PACS1: variants seen among roughly 807,000 people sequenced by gnomAD.
PACS1 encodes the protein phosphofurin acidic cluster sorting protein 1.
A neutral mutation model predicts 115.0 loss-of-function variants in PACS1; 24 were observed. That is an observed-to-expected ratio of 0.21 (90% CI 0.15 to 0.29). The LOEUF is 0.29. PACS1 is among the 10% of genes least tolerant of loss of function. The pLI, the probability that PACS1 is intolerant of heterozygous loss-of-function variation, is 1.00. For synonymous variants in PACS1, 453 were observed against 504.5 expected, an observed-to-expected ratio of 0.90 and a Z score of 1.37; for missense variants, 838 against 1,251.2, an observed-to-expected ratio of 0.67 and a Z score of 4.98.
At chr11:66,169,625 C>G (rs1859690851) in intron 1 of PACS1, among the ~76,000 whole-genome samples, 1 of 141,190 alleles carries the variant, frequency 7.1e-6, no homozygotes, top group East Asian at 2.0e-4. Flanking sequence ...CCATGTTGGC[C>G]AGGCTGGTCT....
chr11:66,220,210 T>G, intron 8 of PACS1: 1 of 302,804 alleles, frequency 3.3e-6, no homozygotes, highest in Non-Finnish European at 6.3e-6. Context: ...ATGGGGCTGC[T>G]GAGAGAGAAG....
At chr11:66,104,736 G>A (rs1440229875) in intron 1 of PACS1, among the ~76,000 whole-genome samples, 1 of 152,148 alleles carries the variant, frequency 6.6e-6, no homozygotes, top group African/African-American at 2.4e-5. Flanking sequence ...CAGAAACAGT[G>A]GATTTTGTTT....
intron 1 of PACS1, among the ~76,000 whole-genome samples, chr11:66,172,711 G>T (rs1205154349): frequency 6.6e-6 from 1 of 152,162 alleles, no homozygotes; most frequent in Admixed American, 6.5e-5. Context: ...GCAGCCAGGT[G>T]CGGTGGCTCA....
chr11:66,219,842 A>C (rs760423608), intron 8 of PACS1, 37 bp downstream of exon 8: 42 of 1,455,816 alleles, frequency 2.9e-5, no homozygotes, highest in Non-Finnish European at 4.1e-5. Context: ...TGGTGAGTAG[A>C]ATTCCCCGGG....
chr11:66,136,179 ACT>A (rs1243586924), intron 1 of PACS1, among the ~76,000 whole-genome samples: 5 of 151,444 alleles, frequency 3.3e-5, no homozygotes, highest in Admixed American at 3.3e-4. Context: ...GCACTAATTC[ACT>A]CTCTTTCAAA....
rs558183795 is a variant in PACS1 at position 66,179,461 on chromosome 11, G to A, written c.357-14025G>A. 3.9e-5 allele frequency among the ~76,000 whole-genome samples: 6 copies of A among 152,312 alleles called. No homozygotes were observed. The East Asian group carries it at 1.2e-3, about 29-fold the overall frequency. On this transcript the variant is annotated intron_variant, in intron 1 of 23. Coordinates refer to ENST00000320580, the MANE Select transcript of PACS1 (RefSeq NM_018026.4). The stretch of plus-strand genomic sequence containing the variant: ...TCCAAAGCTGGGATTACAGACGTGA[G>A]CCACTGTGCCAGGCCTAGAGGTTTC...
chr11:66,226,677 A>C (rs1855475184), intron 10 of PACS1, among the ~76,000 whole-genome samples: 1 of 152,162 alleles, frequency 6.6e-6, no homozygotes, highest in African/African-American at 2.4e-5. Context: ...GTATTATATG[A>C]TTGACTCAGA....
intron 19 of PACS1, 98 bp from the exon 20 acceptor site, chr11:66,238,706 G>A (rs780690212): frequency 9.1e-7 from 1 of 1,099,416 alleles, no homozygotes; most frequent in Non-Finnish European, 1.4e-6. Flanking sequence ...AAAATAATGT[G>A]TAGTGATGGC....
rs1450254125 is a variant in PACS1, at chr11:66,230,445, ACTCT to A, written c.1375-98_1375-95del. ...TGCTTTCAGGAAAAGAAAATGAGTAACTCTCTCTTCAGGATGGTGATGGGGCCTG... is the reference window on the plus strand; with the variant it reads ...TGCTTTCAGGAAAAGAAAATGAGTAACTCTTCAGGATGGTGATGGGGCCTG... On this transcript the variant is annotated intron_variant, in intron 11 of 23. Transcript: ENST00000320580. 60 of 761,530 alleles carry A rather than the reference ACTCT, an allele frequency of 7.9e-5. No individual in the cohort carries two copies. The African/African-American group carries it at 9.2e-4, about 12-fold the overall frequency. 47.2% of individuals were successfully genotyped at this position (761,530 alleles called of 1,614,324 possible).
intron 1 of PACS1, among the ~76,000 whole-genome samples, chr11:66,118,979 A>G (rs1203087622): frequency 6.6e-6 from 1 of 152,170 alleles, no homozygotes; most frequent in African/African-American, 2.4e-5. Context: ...GTAAGTGCTA[A>G]GATAAAGGTA....
At position 66,238,852 on chromosome 11, in the gene PACS1, G is replaced by A; in HGVS notation, c.2293+6G>A. On this transcript the variant is annotated splice_donor_region_variant and intron_variant, in intron 20 of 23. Coordinates refer to ENST00000320580, the MANE Select transcript of PACS1 (RefSeq NM_018026.4). The stretch of plus-strand genomic sequence containing the variant: ...AGACTCTCCCTCCACAGCAGGTGAG[G>A]CTGGGGCTCCCTTGTTCTGTGGAGT... 6.3e-7 allele frequency: 1 copy of A among 1,575,800 alleles called. No individual in the cohort carries two copies. The highest frequency in any genetic ancestry group is 8.6e-7 in the Non-Finnish European group (1 of 1,158,618).
At chr11:66,133,381 G>A (rs892330886) in intron 1 of PACS1, among the ~76,000 whole-genome samples, 1 of 152,164 alleles carries the variant, frequency 6.6e-6, no homozygotes, top group Admixed American at 6.5e-5. Context: ...CTGCTCCTTG[G>A]CTTCACTAGT....
intron 1 of PACS1, among the ~76,000 whole-genome samples, chr11:66,101,878 A>G (rs913268099): frequency 5.3e-5 from 8 of 152,188 alleles, no homozygotes; most frequent in Non-Finnish European, 1.0e-4. Context: ...GGGCCCAGAC[A>G]GTGACTGAAA....
At chr11:66,123,612 A>G (rs572603100) in intron 1 of PACS1, among the ~76,000 whole-genome samples, 12 of 149,914 alleles carry the variant, frequency 8.0e-5, no homozygotes, top group African/African-American at 2.5e-4. Context: ...AGCTCCACCT[A>G]CCGGGTTCAT....
Position 66,236,174 on chromosome 11 carries a change from C to T in PACS1, c.2250+234C>T, listed in dbSNP as rs537472095. On this transcript the variant is annotated intron_variant, in intron 19 of 23. Coordinates refer to ENST00000320580, the MANE Select transcript of PACS1 (RefSeq NM_018026.4). The surrounding 1 kb of genome is among the most constrained non-coding windows in gnomAD (Gnocchi z 4.2). ...TCATCCTCCAGTGCACAGGAGGTCC[C>T]GCAGCAGAGAATGGCTTGGCCCCAA... Among the ~76,000 whole-genome samples, 7 of 152,232 alleles carry T rather than the reference C, an allele frequency of 4.6e-5. No individual in the cohort carries two copies. Among genetic ancestry groups the T allele is most frequent in the African/African-American group, 9.6e-5 (4 of 41,536 alleles).
chr11:66,141,640 T>G (rs555350700), intron 1 of PACS1, among the ~76,000 whole-genome samples: 28 of 145,624 alleles, frequency 1.9e-4, no homozygotes, highest in African/African-American at 6.6e-4. Context: ...GGCAACAGAA[T>G]GAGACTCCAT....
intron 2 of PACS1, among the ~76,000 whole-genome samples, chr11:66,203,212 G>T (rs1397761932): frequency 1.3e-5 from 2 of 152,166 alleles, no homozygotes; most frequent in African/African-American, 4.8e-5. Flanking sequence ...TATGTCAACA[G>T]TGAACAATCT....
intron 1 of PACS1, among the ~76,000 whole-genome samples, chr11:66,099,768 ACTC>A (rs1242781938): frequency 6.6e-6 from 1 of 150,882 alleles, no homozygotes; most frequent in East Asian, 1.9e-4. Context: ...CTGGTCTTGA[ACTC>A]CTGAGCTCAA....
In PACS1 at chr11:66,171,666, G is replaced by A. The variant is rs1452567261; in HGVS notation, c.357-21820G>A. 3.3e-5 allele frequency among the ~76,000 whole-genome samples: 5 copies of A among 149,598 alleles called. No homozygotes were observed. In the South Asian group the frequency reaches 6.2e-4, roughly 19 times the overall value. ...GCAATCTCGGCTCACTGCAAGCTCC[G>A]CCTCCCAGGTTCACGCTATTCTCCT... On this transcript the variant is annotated intron_variant, in intron 1 of 23. Transcript: ENST00000320580.
Sources: allele counts gnomAD v4.1 joint callset (sites outside exome capture counted in the v4.1 genomes callset), GRCh38; gene constraint gnomAD v4.1.1; non-coding constraint Gnocchi (gnomAD v3.1); transcripts MANE v1.5; gene names NCBI Gene and HGNC (gene_info 2026-07-23, HGNC 2026-07-21).